The following GRM8 variants were observed in gnomAD, a reference collection of about 807,000 sequenced individuals.
The protein encoded by GRM8 is metabotropic glutamate receptor 8.
A neutral mutation model predicts 87.2 loss-of-function variants in GRM8; 47 were observed. The observed-to-expected ratio is 0.54, with a 90% CI of 0.43 to 0.69. The LOEUF is 0.69. Ranked by LOEUF, GRM8 falls within the 30% of genes least tolerant of loss-of-function variation. The pLI, the probability that GRM8 is intolerant of heterozygous loss-of-function variation, is 0.00. For missense variants in GRM8, 1,019 were observed against 1,139.2 expected (o/e 0.89, Z 1.52); for synonymous variants, 396 against 404.5 (o/e 0.98, Z 0.25).
At chr7:126,932,148 GT>G (rs1417813911) in intron 3 of GRM8, among the ~76,000 whole-genome samples, 2 of 152,090 alleles carry the variant, frequency 1.3e-5, no homozygotes, top group Non-Finnish European at 2.9e-5. Context: ...TCTCAAGACT[GT>G]TTTATGTTGG....
intron 2 of GRM8, among the ~76,000 whole-genome samples, chr7:127,231,124 C>CT (rs1442831999): frequency 6.6e-6 from 1 of 152,126 alleles, no homozygotes; most frequent in Non-Finnish European, 1.5e-5. Flanking sequence ...CTATGGGATG[C>CT]TGCATAGACC....
At chr7:126,975,286 C>G (rs905150455) in intron 3 of GRM8, among the ~76,000 whole-genome samples, 17 of 152,182 alleles carry the variant, frequency 1.1e-4, no homozygotes, top group African/African-American at 4.1e-4. Flanking sequence ...AGGAAGGTGT[C>G]AAGCTGTTAG....
chr7:126,992,476 T>G (rs1812754501), intron 3 of GRM8, among the ~76,000 whole-genome samples: 1 of 152,190 alleles, frequency 6.6e-6, no homozygotes, highest in East Asian at 1.9e-4. Context: ...AATAGGCAAT[T>G]GGAAATAAAA....
chr7:126,774,221 T>G (rs986635836), intron 6 of GRM8, among the ~76,000 whole-genome samples: 2 of 152,186 alleles, frequency 1.3e-5, no homozygotes, highest in East Asian at 1.9e-4. Flanking sequence ...TCCTTAACAC[T>G]TCAACCTCAT....
chr7:126,730,689 C>T (rs190219880), intron 7 of GRM8, among the ~76,000 whole-genome samples: 49 of 151,870 alleles, frequency 3.2e-4, no homozygotes, highest in African/African-American at 1.1e-3. Context: ...AGATATAGTG[C>T]GATAAACAAA....
At chr7:126,588,474 A>G (rs1327183321) in intron 8 of GRM8, among the ~76,000 whole-genome samples, 1 of 152,244 alleles carries the variant, frequency 6.6e-6, no homozygotes, top group Non-Finnish European at 1.5e-5. Context: ...AGGAAAATAA[A>G]TCATTCTACC....
intron 9 of GRM8, among the ~76,000 whole-genome samples, chr7:126,487,306 A>T (rs1388216354): frequency 6.6e-6 from 1 of 151,852 alleles, no homozygotes; most frequent in East Asian, 1.9e-4. Flanking sequence ...ACGTATTTTA[A>T]TTTTTCTAAG....
intron 3 of GRM8, among the ~76,000 whole-genome samples, chr7:126,967,025 T>C (rs1809942525): frequency 6.6e-6 from 1 of 152,160 alleles, no homozygotes; most frequent in South Asian, 2.1e-4. Flanking sequence ...CAGAAAAAGA[T>C]AAGAACTTTG....
At chr7:126,506,034 C>A (rs557582583) in intron 9 of GRM8, among the ~76,000 whole-genome samples, 1 of 152,200 alleles carries the variant, frequency 6.6e-6, no homozygotes, top group African/African-American at 2.4e-5. Context: ...ATGCTACTCT[C>A]TGCTTCTTTC....
chr7:126,874,095 G>A (rs1391134866), intron 6 of GRM8, among the ~76,000 whole-genome samples: 1 of 151,904 alleles, frequency 6.6e-6, no homozygotes, highest in African/African-American at 2.4e-5. Context: ...AAATTCCCAT[G>A]TTTTTTAGCT....
Position 126,939,651 on chromosome 7 carries a change from T to C in GRM8, c.728-34968A>G, listed in dbSNP as rs149710541. ...TGAGACCCACTGGTTGTAGGGTAAATGCTTTGTGCTATCTGTCTCATCATA... is the reference window on the plus strand; with the variant it reads ...TGAGACCCACTGGTTGTAGGGTAAACGCTTTGTGCTATCTGTCTCATCATA... On this transcript the variant is annotated intron_variant, in intron 3 of 10. Transcript: ENST00000339582. Among the ~76,000 whole-genome samples the C allele has an allele frequency of 8.5e-5, 13 of 152,304 alleles. No homozygotes were observed. The East Asian group carries it at 2.3e-3, about 27-fold the overall frequency.
intron 3 of GRM8, among the ~76,000 whole-genome samples, chr7:126,974,892 C>A (rs1051174472): frequency 7.6e-6 from 1 of 132,290 alleles, no homozygotes; most frequent in Non-Finnish European, 1.5e-5. Context: ...GCCAAAATCG[C>A]GCCACTGCGC....
At chr7:126,727,130 T>G (rs1490908550) in intron 7 of GRM8, among the ~76,000 whole-genome samples, 1 of 151,734 alleles carries the variant, frequency 6.6e-6, no homozygotes, top group East Asian at 1.9e-4. Context: ...TTAAACCAAA[T>G]ATTTAAGTAG....
intron 6 of GRM8, among the ~76,000 whole-genome samples, chr7:126,796,452 A>G (rs1821962923): frequency 6.6e-6 from 1 of 152,098 alleles, no homozygotes; most frequent in African/African-American, 2.4e-5. Context: ...AACATAAATG[A>G]CCAGTGGATG....
At chr7:126,763,442 C>CATATATATATAT (rs750564318) in intron 7 of GRM8, among the ~76,000 whole-genome samples, 12 of 119,918 alleles carry the variant, frequency 1.0e-4, no homozygotes, top group African/African-American at 3.3e-4. Context: ...ATGATAAATT[C>CATATATATATAT]ATATATATAT....
chr7:126,502,561 C>T (rs1448766022), intron 9 of GRM8, among the ~76,000 whole-genome samples: 1 of 151,992 alleles, frequency 6.6e-6, no homozygotes, highest in Non-Finnish European at 1.5e-5. Context: ...AAGAGGAAAA[C>T]ATTGGTTTAT....
intron 6 of GRM8, among the ~76,000 whole-genome samples, chr7:126,859,608 AGAG>A (rs1474280552): frequency 6.6e-6 from 1 of 152,226 alleles, no homozygotes; most frequent in East Asian, 1.9e-4. Context: ...CTAATATTTC[AGAG>A]GAGATGGGTA....
chr7:126,579,926 T>C (rs1384578099), intron 8 of GRM8, among the ~76,000 whole-genome samples: 1 of 152,064 alleles, frequency 6.6e-6, no homozygotes, highest in African/African-American at 2.4e-5. Context: ...TGAGATCAGA[T>C]AAATATTAAG....
rs369269176 is a variant in GRM8, at chr7:126,669,361, GA to G, written c.1358-59864del. ...AAAATTTTTAAAAAAAAGTCAACAAGAAAAAAAAAAGCTGTAATTAATTTGG... is the reference window on the plus strand; with the variant it reads ...AAAATTTTTAAAAAAAAGTCAACAAGAAAAAAAAAGCTGTAATTAATTTGG... On this transcript the variant is annotated intron_variant, in intron 7 of 10. Coordinates refer to ENST00000339582, the MANE Select transcript of GRM8 (RefSeq NM_000845.3). Among the ~76,000 whole-genome samples the G allele has an allele frequency of 1.0e-3, 150 of 146,514 alleles. 1 individual carries two copies. The highest frequency in any genetic ancestry group is 7.1e-3 in the Middle Eastern group (2 of 280).
Sources: gnomAD v4.1 joint callset for allele counts (sites outside exome capture counted in the v4.1 genomes callset) on GRCh38, gnomAD v4.1.1 for gene constraint, MANE v1.5 for transcripts, NCBI Gene and HGNC (gene_info 2026-07-23, HGNC 2026-07-21) for gene names.